The following TCF4 variants were observed in gnomAD, a reference collection of about 807,000 sequenced individuals.
TCF4 encodes transcription factor 4, also known as SL3-3 enhancer factor 2.
TCF4 carries 3 observed loss-of-function variants against 82.1 expected under a neutral mutation model. The observed-to-expected ratio is 0.04, with a 90% CI of 0.02 to 0.09. TCF4 has a LOEUF of 0.09. Among genes scored for constraint, TCF4 ranks in the 10% least tolerant of loss-of-function variants. TCF4 has a pLI of 1.00. For synonymous variants in TCF4, 276 were observed against 309.6 expected, an observed-to-expected ratio of 0.89 and a Z score of 1.14; for missense variants, 518 against 852.7, an observed-to-expected ratio of 0.61 and a Z score of 4.89.
chr18:55,261,420 C>T lies in TCF4; in HGVS notation c.990+46G>A, dbSNP rs1157032476. ...AATGTCCACTTCTGATTAAAGTTCA[C>T]CCTTTACAATGGTACATATGGAGTC... On this transcript the variant is annotated intron_variant, in intron 12 of 19. Coordinates refer to ENST00000354452, the MANE Select transcript of TCF4 (RefSeq NM_001083962.2). 3.8e-6 allele frequency: 6 copies of T among 1,599,636 alleles called. No individual in the cohort carries two copies. In the South Asian group the frequency reaches 6.6e-5, roughly 18 times the overall value.
At chr18:55,260,858 C>CCCT (rs2057916892) in intron 12 of TCF4, among the ~76,000 whole-genome samples, 2 of 152,138 alleles carry the variant, frequency 1.3e-5, no homozygotes, top group Non-Finnish European at 2.9e-5. Flanking sequence ...CACTACCTGG[C>CCCT]CCTCCACTTA....
chr18:55,226,747 G>A lies in TCF4; in HGVS notation c.*1288C>T, dbSNP rs1001516460. On this transcript the variant is annotated 3_prime_UTR_variant, in exon 20 of 20. Transcript: ENST00000354452. ...ATCAATCAGCTCTGTCACACTACTT[G>A]CAATTTTCTCATTTGACGGTTTTTG... The A allele has an allele frequency of 2.6e-5, 4 of 151,266 alleles. No individual in the cohort carries two copies. Among genetic ancestry groups the A allele is most frequent in the Non-Finnish European group, 4.4e-5 (3 of 67,726 alleles). The allele number at this position is 151,266 out of a possible 1,614,324, so 9.4% of individuals were successfully genotyped here.
At chr18:55,347,950 A>T (rs1443718624) in intron 8 of TCF4, among the ~76,000 whole-genome samples, 1 of 152,194 alleles carries the variant, frequency 6.6e-6, no homozygotes, top group African/African-American at 2.4e-5. Context: ...ATACTCATAC[A>T]TACTGAAACA....
At chr18:55,594,732 T>C (rs2097689125) in intron 2 of TCF4, among the ~76,000 whole-genome samples, 1 of 152,214 alleles carries the variant, frequency 6.6e-6, no homozygotes. Context: ...TTATTTTTAA[T>C]ACAATACAAG....
intron 1 of TCF4, among the ~76,000 whole-genome samples, chr18:55,632,477 TA>T (rs1415068022): frequency 3.3e-5 from 5 of 152,212 alleles, no homozygotes; most frequent in Non-Finnish European, 4.4e-5. Flanking sequence ...GTTGAAGAGC[TA>T]TATGTCTTCA....
chr18:55,589,450 T>A (rs570002790), upstream of TCF4: 1 of 1,056,352 alleles, frequency 9.5e-7, no homozygotes, highest in South Asian at 4.6e-5. Context: ...ATCCACAGAT[T>A]ACAAGATTAT....
chr18:55,476,223 G>A (rs1324957908), intron 3 of TCF4, among the ~76,000 whole-genome samples: 1 of 152,132 alleles, frequency 6.6e-6, no homozygotes, highest in African/African-American at 2.4e-5. Flanking sequence ...GGGGAGATAA[G>A]TTGAGTTGCC....
intron 5 of TCF4, among the ~76,000 whole-genome samples, chr18:55,444,708 A>G (rs1442505912): frequency 2.0e-5 from 3 of 152,204 alleles, no homozygotes; most frequent in African/African-American, 7.2e-5. Context: ...GACTTCAACT[A>G]TGAAATATTA....
intron 5 of TCF4, among the ~76,000 whole-genome samples, chr18:55,451,901 G>T (rs2095631162): frequency 1.3e-5 from 2 of 152,174 alleles, no homozygotes; most frequent in South Asian, 2.1e-4. Context: ...AGAACTTTGG[G>T]AGGCTAAAGC....
At chr18:55,246,851 T>C (rs1001759033) in intron 15 of TCF4, among the ~76,000 whole-genome samples, 3 of 152,196 alleles carry the variant, frequency 2.0e-5, no homozygotes, top group Non-Finnish European at 4.4e-5. Flanking sequence ...AGAAGGCAAA[T>C]ATCCTAATTT....
At chr18:55,565,768 C>T (rs1460922636) in intron 3 of TCF4, among the ~76,000 whole-genome samples, 1 of 150,368 alleles carries the variant, frequency 6.7e-6, no homozygotes, top group East Asian at 1.9e-4. Flanking sequence ...TACTATGAAG[C>T]CAAAAAAAAA....
chr18:55,516,423 C>T (rs1257395594), intron 3 of TCF4, among the ~76,000 whole-genome samples: 1 of 151,672 alleles, frequency 6.6e-6, no homozygotes, highest in East Asian at 1.9e-4. Flanking sequence ...GAAGGGAAAG[C>T]TACAGCTTCC....
intron 9 of TCF4, among the ~76,000 whole-genome samples, chr18:55,278,686 A>C (rs759777528): frequency 2.6e-5 from 4 of 152,104 alleles, no homozygotes; most frequent in Non-Finnish European, 5.9e-5. Context: ...CTTCTGCCTC[A>C]GCCTCCCGAG....
intron 5 of TCF4, among the ~76,000 whole-genome samples, chr18:55,459,394 C>T (rs1239204870): frequency 6.6e-6 from 1 of 152,138 alleles, no homozygotes; most frequent in East Asian, 1.9e-4. Flanking sequence ...TCAAGTTGTT[C>T]TTTAGAGTTA....
chr18:55,444,687 T>C (rs559184217), intron 5 of TCF4, among the ~76,000 whole-genome samples: 9 of 152,230 alleles, frequency 5.9e-5, no homozygotes, highest in Non-Finnish European at 1.3e-4. Flanking sequence ...GGGGAACTTA[T>C]CTACTCCCAT....
rs1408719955 is a variant in TCF4, at chr18:55,261,532, T to C, written c.924A>G (p.Ala308=). 2.5e-6 allele frequency: 4 copies of C among 1,613,782 alleles called. No homozygotes were observed. Among genetic ancestry groups the C allele is most frequent in the Middle Eastern group, 1.6e-4 (1 of 6,082 alleles). The change falls in exon 12 of 20, where the codon GCA becomes GCG. Residue 308 remains alanine, a splice_region_variant and synonymous_variant. Coordinates refer to ENST00000354452, the MANE Select transcript of TCF4 (RefSeq NM_001083962.2). ...TGCCGGCTGCCCCGCTTCCTCTATT[T>C]GCTGCAAAAACAAAAGGCAGAATAT... The part of the protein sequence containing the change: ...PPANGTDSIM[A]NRGSGAAGSS...
chr18:55,398,487 G>C (rs1379525887), intron 6 of TCF4, among the ~76,000 whole-genome samples: 1 of 152,142 alleles, frequency 6.6e-6, no homozygotes, highest in Admixed American at 6.6e-5. Flanking sequence ...GCCTAGAACA[G>C]TGAAGTCACC....
At chr18:55,434,521 G>A (rs1162215089) in intron 5 of TCF4, among the ~76,000 whole-genome samples, 2 of 147,160 alleles carry the variant, frequency 1.4e-5, no homozygotes, top group African/African-American at 2.5e-5. Context: ...CCAGGTTCAC[G>A]CCATTCTCCT....
intron 11 of TCF4, 131 bp downstream of exon 11, chr18:55,269,700 G>A (rs2059942616): frequency 2.5e-5 from 30 of 1,183,196 alleles, no homozygotes; most frequent in Non-Finnish European, 3.4e-5. Flanking sequence ...GTACATTTGT[G>A]TGTTCATTCT....
Sources: allele counts gnomAD v4.1 joint callset (sites outside exome capture counted in the v4.1 genomes callset), GRCh38; gene constraint gnomAD v4.1.1; transcripts MANE v1.5; gene names NCBI Gene and HGNC (gene_info 2026-07-23, HGNC 2026-07-21).